Variants in INSYN2A observed in about 807,000 individuals in gnomAD.
INSYN2A encodes the protein inhibitory synaptic factor 2A.
In INSYN2A, 17 loss-of-function variants were observed where a neutral mutation model predicts 39.4. That is an observed-to-expected ratio of 0.43 (90% CI 0.30 to 0.65). The LOEUF (loss-of-function observed/expected upper bound fraction) is 0.65. INSYN2A is among the 30% of genes least tolerant of loss of function. The pLI is 0.14. For missense variants in INSYN2A, 595 were observed against 631.2 expected (o/e 0.94, Z 0.61); for synonymous variants, 255 against 265.7 (o/e 0.96, Z 0.39).
At chr10:127,147,307 T>G (rs1338143142) in intron 5 of INSYN2A, among the ~76,000 whole-genome samples, 1 of 152,148 alleles carries the variant, frequency 6.6e-6, no homozygotes, top group African/African-American at 2.4e-5. Context: ...CTGTTTGTCC[T>G]CCTAGTTCCT....
chr10:127,149,482 A>G (rs2052264374), intron 5 of INSYN2A, among the ~76,000 whole-genome samples: 1 of 152,186 alleles, frequency 6.6e-6, no homozygotes, highest in Non-Finnish European at 1.5e-5. Context: ...TGGCAAAGGT[A>G]CCCATTTATT....
chr10:127,153,196 G>GA (rs1301829132), intron 5 of INSYN2A, among the ~76,000 whole-genome samples: 3 of 152,104 alleles, frequency 2.0e-5, no homozygotes, highest in African/African-American at 7.2e-5. Flanking sequence ...AAAAAGAAAA[G>GA]AAAAAAGGAT....
At chr10:127,141,814 G>A (rs971694454) in intron 5 of INSYN2A, among the ~76,000 whole-genome samples, 3 of 152,192 alleles carry the variant, frequency 2.0e-5, no homozygotes, top group African/African-American at 4.8e-5. Context: ...AGACAAATAG[G>A]GCTCTGCCTG....
intron 4 of INSYN2A, among the ~76,000 whole-genome samples, chr10:127,171,191 A>G (rs1358156807): frequency 2.6e-5 from 4 of 152,218 alleles, no homozygotes; most frequent in African/African-American, 4.8e-5. Context: ...AATCTACATA[A>G]GCAAATGAAA....
At chr10:127,168,109 G>A (rs552410348) in intron 4 of INSYN2A, among the ~76,000 whole-genome samples, 58 of 152,252 alleles carry the variant, frequency 3.8e-4, no homozygotes, top group African/African-American at 1.2e-3. Flanking sequence ...GCCTGTGCAC[G>A]CAGGTCAGGA....
At chr10:127,195,587 T>TA (rs1203714801) in intron 1 of INSYN2A, among the ~76,000 whole-genome samples, 1 of 151,704 alleles carries the variant, frequency 6.6e-6, no homozygotes, top group Non-Finnish European at 1.5e-5. Flanking sequence ...GGAAAATACT[T>TA]AAAAGCCTCG....
chr10:127,140,336 A>G (rs961926780), intron 5 of INSYN2A, among the ~76,000 whole-genome samples: 1 of 152,118 alleles, frequency 6.6e-6, no homozygotes, highest in African/African-American at 2.4e-5. Context: ...ACTCCCCATT[A>G]TGCTGCCCTG....
chr10:127,161,546 C>G (rs2053595261), intron 4 of INSYN2A, among the ~76,000 whole-genome samples: 1 of 152,232 alleles, frequency 6.6e-6, no homozygotes, highest in East Asian at 1.9e-4. Flanking sequence ...AAATTGTGAC[C>G]CTCCATACTG....
chr10:127,160,120 G>A (rs1006075445), intron 4 of INSYN2A, among the ~76,000 whole-genome samples: 2 of 148,160 alleles, frequency 1.3e-5, no homozygotes, highest in Admixed American at 6.7e-5. Flanking sequence ...GAATTGTTTG[G>A]TTAAAAGGTC....
intron 5 of INSYN2A, among the ~76,000 whole-genome samples, chr10:127,150,297 G>A (rs901737617): frequency 6.6e-6 from 1 of 152,110 alleles, no homozygotes; most frequent in African/African-American, 2.4e-5. Context: ...AGAACTGACC[G>A]CAAGCTGCGA....
At chr10:127,146,129 C>T in intron 5 of INSYN2A, 1 of 486,044 alleles carries the variant, frequency 2.1e-6, no homozygotes, top group South Asian at 1.5e-5. Context: ...TCTTTATCTT[C>T]CCATGAAACT....
intron 5 of INSYN2A, among the ~76,000 whole-genome samples, chr10:127,142,760 C>T (rs2051391137): frequency 6.6e-6 from 1 of 152,200 alleles, no homozygotes; most frequent in Non-Finnish European, 1.5e-5. Flanking sequence ...ACTCTGTGCC[C>T]TGGGGCTGTG....
chr10:127,183,433 T>C (rs2055928110), intron 2 of INSYN2A, among the ~76,000 whole-genome samples: 1 of 152,192 alleles, frequency 6.6e-6, no homozygotes, highest in African/African-American at 2.4e-5. Context: ...AATCCTAAAC[T>C]TTGCATGGTC....
chr10:127,186,505 C>A (rs1452405164), intron 2 of INSYN2A, among the ~76,000 whole-genome samples: 2 of 18,142 alleles, frequency 1.1e-4, no homozygotes. Flanking sequence ...ATGGGAGAAA[C>A]CGCCCCCCCG....
intron 1 of INSYN2A, among the ~76,000 whole-genome samples, chr10:127,194,935 G>C (rs2057001293): frequency 1.3e-5 from 2 of 152,204 alleles, no homozygotes; most frequent in South Asian, 4.1e-4. Context: ...CAGGGGCCCA[G>C]AGCGCGTGCA....
In INSYN2A at chr10:127,196,426, AG is replaced by A. The variant is rs1266355172; in HGVS notation, c.-825del. ...TTGTCTTCGGCGAGATCTCAGAGCCAGGGCCAGGAGGCGGGGGCGGGGCAGA... is the reference window on the plus strand; with the variant it reads ...TTGTCTTCGGCGAGATCTCAGAGCCAGGCCAGGAGGCGGGGGCGGGGCAGA... On this transcript the variant is annotated 5_prime_UTR_variant, in exon 1 of 6. Coordinates refer to ENST00000522781, the MANE Select transcript of INSYN2A (RefSeq NM_001039762.3). Among the ~76,000 whole-genome samples the A allele has an allele frequency of 6.7e-6, 1 of 148,568 alleles. No homozygotes were observed. The highest frequency in any genetic ancestry group is 1.5e-5 in the Non-Finnish European group (1 of 66,720).
intron 4 of INSYN2A, among the ~76,000 whole-genome samples, chr10:127,157,668 T>C (rs1334340507): frequency 6.6e-6 from 1 of 152,258 alleles, no homozygotes; most frequent in African/African-American, 2.4e-5. Context: ...TCATTCTTTT[T>C]TTAGCTAGTT....
At chr10:127,191,356 C>G (rs1229594274) in intron 2 of INSYN2A, among the ~76,000 whole-genome samples, 3 of 152,276 alleles carry the variant, frequency 2.0e-5, no homozygotes, top group East Asian at 3.9e-4. Flanking sequence ...GCTGCAACAG[C>G]TCAGTACATA....
At chr10:127,150,505 C>T (rs1004240386) in intron 5 of INSYN2A, among the ~76,000 whole-genome samples, 10 of 152,192 alleles carry the variant, frequency 6.6e-5, no homozygotes, top group Non-Finnish European at 1.0e-4. Context: ...TGTCCTTTCA[C>T]GACATAAGTG....
Sources: allele counts gnomAD v4.1 joint callset (sites outside exome capture counted in the v4.1 genomes callset), GRCh38; gene constraint gnomAD v4.1.1; transcripts MANE v1.5; gene names NCBI Gene and HGNC (gene_info 2026-07-23, HGNC 2026-07-21).